Variants in KHDRBS2 observed in about 807,000 individuals in gnomAD.
KHDRBS2 encodes KH domain-containing, RNA-binding, signal transduction-associated protein 2.
A neutral mutation model predicts 44.3 loss-of-function variants in KHDRBS2; 26 were observed. The ratio of observed to expected loss-of-function variants is 0.59; its 90% CI spans 0.43 to 0.81. The LOEUF (loss-of-function observed/expected upper bound fraction) is 0.81. Ranked by LOEUF, KHDRBS2 falls within the 40% of genes least tolerant of loss-of-function variation. KHDRBS2 has a pLI of 0.00. For missense variants in KHDRBS2, 476 were observed against 433.1 expected, an observed-to-expected ratio of 1.10 and a Z score of -0.88; for synonymous variants, 194 against 151.1, an observed-to-expected ratio of 1.28 and a Z score of -2.08.
intron 2 of KHDRBS2, among the ~76,000 whole-genome samples, chr6:62,116,403 T>TTCTGG: frequency 6.6e-6 from 1 of 152,176 alleles, no homozygotes; most frequent in Non-Finnish European, 1.5e-5. Flanking sequence ...TTGTTTTAAA[T>TTCTGG]TCTGCATATA....
intron 6 of KHDRBS2, among the ~76,000 whole-genome samples, chr6:61,763,731 T>A (rs913543261): frequency 6.6e-6 from 1 of 152,212 alleles, no homozygotes; most frequent in East Asian, 1.9e-4. Flanking sequence ...GTGGAATCCT[T>A]AAGTCATTTT....
intron 6 of KHDRBS2, among the ~76,000 whole-genome samples, chr6:61,748,264 C>G (rs1424070463): frequency 6.6e-6 from 1 of 152,198 alleles, no homozygotes; most frequent in Non-Finnish European, 1.5e-5. Flanking sequence ...GCTAGGATTA[C>G]AGGCGTGAGC....
At chr6:62,003,118 G>A (rs1778570214) in intron 3 of KHDRBS2, among the ~76,000 whole-genome samples, 1 of 151,550 alleles carries the variant, frequency 6.6e-6, no homozygotes, top group South Asian at 2.1e-4. Context: ...TTCCAATTCA[G>A]ACAATATTCC....
chr6:61,638,602 G>A, the KHDRBS2 span, among the ~76,000 whole-genome samples: 2 of 152,062 alleles, frequency 1.3e-5, no homozygotes, highest in South Asian at 2.1e-4. Flanking sequence ...CATGGGCAAG[G>A]ACTTCATGTC....
At chr6:61,676,117 C>A (rs768139873), downstream of KHDRBS2, among the ~76,000 whole-genome samples, 1 of 151,722 alleles carries the variant, frequency 6.6e-6, no homozygotes, top group Non-Finnish European at 1.5e-5. Context: ...ATCCTCTGTT[C>A]GTGCATATGC....
chr6:62,259,800 T>C (rs1838034222), intron 1 of KHDRBS2, among the ~76,000 whole-genome samples: 1 of 152,054 alleles, frequency 6.6e-6, no homozygotes, highest in Non-Finnish European at 1.5e-5. Flanking sequence ...CTAAAAATAT[T>C]ATTATTTGCA....
At chr6:61,980,852 A>T (rs565574800) in intron 3 of KHDRBS2, among the ~76,000 whole-genome samples, 1 of 152,330 alleles carries the variant, frequency 6.6e-6, no homozygotes, top group Admixed American at 6.5e-5. Flanking sequence ...AGTTTCAGCC[A>T]GCTTATAGGG....
intron 3 of KHDRBS2, among the ~76,000 whole-genome samples, chr6:62,019,329 A>T (rs1005062734): frequency 6.6e-6 from 1 of 152,110 alleles, no homozygotes; most frequent in African/African-American, 2.4e-5. Flanking sequence ...TTTTATTAAA[A>T]ATGGTTTTTG....
chr6:62,121,451 A>T (rs900387918), intron 2 of KHDRBS2, among the ~76,000 whole-genome samples: 1 of 152,148 alleles, frequency 6.6e-6, no homozygotes, highest in African/African-American at 2.4e-5. Context: ...AAGCTTAACC[A>T]AGTGGTGACT....
At chr6:61,807,772 C>A (rs1421096518) in intron 6 of KHDRBS2, among the ~76,000 whole-genome samples, 3 of 152,016 alleles carry the variant, frequency 2.0e-5, no homozygotes, top group Admixed American at 1.3e-4. Flanking sequence ...ACCCTCATGG[C>A]ACACAGTTTA....
intron 2 of KHDRBS2, among the ~76,000 whole-genome samples, chr6:62,122,563 C>T (rs559617905): frequency 6.6e-6 from 1 of 152,256 alleles, no homozygotes; most frequent in East Asian, 1.9e-4. Flanking sequence ...CCCATGGTCC[C>T]CACTCCTGCT....
chr6:61,777,998 C>T (rs1323785491), intron 6 of KHDRBS2, among the ~76,000 whole-genome samples: 1 of 152,046 alleles, frequency 6.6e-6, no homozygotes, highest in Non-Finnish European at 1.5e-5. Context: ...CCCTCTCCCT[C>T]CTCCCACCCT....
intron 3 of KHDRBS2, among the ~76,000 whole-genome samples, chr6:61,983,203 T>TCTTTCTTG (rs1774260937): frequency 8.8e-5 from 5 of 56,502 alleles, no homozygotes; most frequent in Admixed American, 2.3e-4. Context: ...TTTTTCATTT[T>TCTTTCTTG]CTTTCTTTCT....
intron 2 of KHDRBS2, among the ~76,000 whole-genome samples, chr6:62,087,860 G>A (rs1798703791): frequency 6.6e-6 from 1 of 152,122 alleles, no homozygotes; most frequent in Admixed American, 6.5e-5. Context: ...TTTTCACGTA[G>A]TCCCATATTT....
At chr6:61,831,471 T>C (rs1034408514) in intron 6 of KHDRBS2, among the ~76,000 whole-genome samples, 1 of 152,084 alleles carries the variant, frequency 6.6e-6, no homozygotes, top group South Asian at 2.1e-4. Flanking sequence ...CCTTCATCTA[T>C]ACCATGACTT....
At position 61,737,630 on chromosome 6, in the gene KHDRBS2, T is replaced by G. The variant is rs74587467; in HGVS notation, c.811-4866A>C. On this transcript the variant is annotated intron_variant, in intron 6 of 8. Coordinates refer to ENST00000281156, the MANE Select transcript of KHDRBS2 (RefSeq NM_152688.4). ...ATGCCAGCACTAAGGAAGTAGTAGG[T>G]GGATTTCTGAAGAAGTGAGAAAAAA... 1.4e-3 allele frequency among the ~76,000 whole-genome samples: 208 copies of G among 152,118 alleles called. 1 individual carries two copies. The highest frequency in any genetic ancestry group is 3.2e-3 in the Admixed American group (49 of 15,222).
chr6:61,839,155 TAAG>T (rs978947340), intron 6 of KHDRBS2, among the ~76,000 whole-genome samples: 30 of 152,220 alleles, frequency 2.0e-4, no homozygotes, highest in African/African-American at 7.2e-4. Context: ...TCTTAATCCA[TAAG>T]AAGCGTCTGT....
chr6:61,942,112 C>CT (rs70993188), intron 4 of KHDRBS2, among the ~76,000 whole-genome samples: 1 of 150,832 alleles, frequency 6.6e-6, no homozygotes, highest in Non-Finnish European at 1.5e-5. Context: ...AAGCACACCA[C>CT]ACCTACCCAA....
At chr6:62,200,279 A>G (rs1826659815) in intron 1 of KHDRBS2, among the ~76,000 whole-genome samples, 1 of 152,196 alleles carries the variant, frequency 6.6e-6, no homozygotes. Context: ...AAAAGAAACT[A>G]CCATCAGAGT....
Sources: gnomAD v4.1 joint callset for allele counts (sites outside exome capture counted in the v4.1 genomes callset) on GRCh38, gnomAD v4.1.1 for gene constraint, MANE v1.5 for transcripts, NCBI Gene and HGNC (gene_info 2026-07-23, HGNC 2026-07-21) for gene names.